Variants in PSD3 observed in about 807,000 individuals in gnomAD.
PSD3 encodes PH and SEC7 domain-containing protein 3.
A neutral mutation model predicts 105.5 loss-of-function variants in PSD3; 49 were observed. The ratio of observed to expected loss-of-function variants is 0.46; its 90% CI spans 0.37 to 0.59. The LOEUF (loss-of-function observed/expected upper bound fraction) is 0.59, where lower values mean the gene tolerates loss of function less well. Ranked by LOEUF, PSD3 falls within the 20% of genes least tolerant of loss-of-function variation. PSD3 has a pLI of 0.00. For synonymous variants in PSD3, 557 were observed against 457.8 expected (o/e 1.22, Z -2.77); for missense variants, 1,561 against 1,263.8 (o/e 1.24, Z -3.57).
chr8:19,075,645 A>C (rs762781254), intron 1 of PSD3, among the ~76,000 whole-genome samples: 3 of 152,200 alleles, frequency 2.0e-5, no homozygotes, highest in Non-Finnish European at 4.4e-5. Context: ...AAAAATGGTC[A>C]CTTTTTTCCT....
At chr8:18,741,184 G>A (rs565448563) in intron 9 of PSD3, among the ~76,000 whole-genome samples, 7 of 152,270 alleles carry the variant, frequency 4.6e-5, no homozygotes, top group South Asian at 2.1e-4. Context: ...TTACAGGTAC[G>A]AGTTACGGTC....
intron 8 of PSD3, among the ~76,000 whole-genome samples, chr8:18,786,097 G>C (rs562978545): frequency 6.6e-6 from 1 of 152,118 alleles, no homozygotes; most frequent in Admixed American, 6.5e-5. Context: ...CCAGCTGCTC[G>C]GGAGGCTGAG....
intron 14 of PSD3, among the ~76,000 whole-genome samples, chr8:18,565,253 G>C (rs557391814): frequency 1.3e-5 from 2 of 152,204 alleles, no homozygotes; most frequent in Non-Finnish European, 2.9e-5. Context: ...CAGAAAGGGA[G>C]GTTGTGAGCA....
chr8:19,053,083 T>A (rs577574281), intron 1 of PSD3, among the ~76,000 whole-genome samples: 4 of 152,246 alleles, frequency 2.6e-5, no homozygotes, highest in Non-Finnish European at 5.9e-5. Flanking sequence ...GAGGTTGTAG[T>A]CTTGGAGTGA....
At chr8:18,876,989 T>C (rs1017451941) in intron 2 of PSD3, among the ~76,000 whole-genome samples, 1 of 152,226 alleles carries the variant, frequency 6.6e-6, no homozygotes, top group Non-Finnish European at 1.5e-5. Flanking sequence ...TTTAGAGACA[T>C]GCCCATTTGA....
intron 13 of PSD3, among the ~76,000 whole-genome samples, chr8:18,573,414 G>A (rs917001088): frequency 1.3e-5 from 2 of 152,148 alleles, no homozygotes; most frequent in Non-Finnish European, 2.9e-5. Flanking sequence ...AGGTTGCAGT[G>A]AGCAGAGATC....
intron 9 of PSD3, among the ~76,000 whole-genome samples, chr8:18,701,129 CTGAT>C (rs1028562525): frequency 6.8e-5 from 7 of 102,874 alleles, no homozygotes; most frequent in African/African-American, 2.2e-4. Context: ...AGAAGCCTGG[CTGAT>C]TTTTTTTTTT....
intron 1 of PSD3, among the ~76,000 whole-genome samples, chr8:19,042,005 A>T (rs750838554): frequency 3.9e-5 from 6 of 152,190 alleles, no homozygotes; most frequent in Admixed American, 1.3e-4. Context: ...AGAGTTTTAC[A>T]TGAATTCCAC....
In PSD3 at chr8:18,637,263, A is replaced by G. The variant is rs192875081; in HGVS notation, c.2217-4457T>C. Among the ~76,000 whole-genome samples, 7 of 152,350 alleles carry G rather than the reference A, an allele frequency of 4.6e-5. No individual in the cohort carries two copies. In the East Asian group the frequency reaches 1.3e-3, roughly 29 times the overall value. On this transcript the variant is annotated intron_variant, in intron 10 of 15. Coordinates refer to ENST00000327040, the MANE Select transcript of PSD3 (RefSeq NM_015310.4). ...TCACTCTCATCACAATGGTTAGGTG[A>G]AAAACACATTCCTTCGTTATAGTCT...
chr8:18,841,370 C>A (rs1563333896), intron 4 of PSD3, among the ~76,000 whole-genome samples: 1 of 152,146 alleles, frequency 6.6e-6, no homozygotes, highest in Non-Finnish European at 1.5e-5. Context: ...CTCAGCAGCT[C>A]CCATTCAGGC....
chr8:19,049,438 T>C (rs334202), intron 1 of PSD3, among the ~76,000 whole-genome samples: 62,138 of 151,886 alleles, frequency 0.41, 12,986 homozygotes, highest in East Asian at 0.63. Context: ...ACCTGCAATC[T>C]CAGTGCTCTG....
intron 8 of PSD3, among the ~76,000 whole-genome samples, chr8:18,784,966 A>T (rs1808992935): frequency 6.6e-6 from 1 of 152,138 alleles, no homozygotes; most frequent in Non-Finnish European, 1.5e-5. Context: ...GGGGAGGCTG[A>T]AAATTCCAAC....
At chr8:18,679,479 G>A (rs1317088765) in intron 9 of PSD3, among the ~76,000 whole-genome samples, 2 of 152,156 alleles carry the variant, frequency 1.3e-5, no homozygotes, top group Admixed American at 6.5e-5. Context: ...CCTAGTACAG[G>A]AAGAGGTTTA....
chr8:18,755,035 A>G (rs1805901570), intron 9 of PSD3, among the ~76,000 whole-genome samples: 1 of 152,148 alleles, frequency 6.6e-6, no homozygotes, highest in Non-Finnish European at 1.5e-5. Context: ...AAAAGAGGAT[A>G]GCTTTTATTC....
At chr8:18,905,234 C>T (rs1375815230) in intron 2 of PSD3, among the ~76,000 whole-genome samples, 1 of 152,088 alleles carries the variant, frequency 6.6e-6, no homozygotes, top group Admixed American at 6.6e-5. Flanking sequence ...AATTATTTCC[C>T]CCTCTCTAAT....
chr8:18,927,619 G>A (rs189958498), intron 2 of PSD3, among the ~76,000 whole-genome samples: 3 of 152,204 alleles, frequency 2.0e-5, no homozygotes, highest in African/African-American at 4.8e-5. Context: ...CACTGCTGCT[G>A]TGTAGCCACT....
At chr8:18,576,083 C>T (rs1802446615) in intron 12 of PSD3, among the ~76,000 whole-genome samples, 1 of 151,346 alleles carries the variant, frequency 6.6e-6, no homozygotes, top group African/African-American at 2.5e-5. Flanking sequence ...AAGATATTGT[C>T]TGTTTTCTTA....
intron 1 of PSD3, among the ~76,000 whole-genome samples, chr8:19,040,285 C>A (rs1828077645): frequency 6.6e-6 from 1 of 152,146 alleles, no homozygotes; most frequent in Admixed American, 6.5e-5. Context: ...TCACTGCAGC[C>A]TTAACCTCTT....
intron 11 of PSD3, among the ~76,000 whole-genome samples, chr8:18,614,856 G>A (rs571412788): frequency 6.6e-6 from 1 of 150,920 alleles, no homozygotes; most frequent in Non-Finnish European, 1.5e-5. Flanking sequence ...GGCTGGTCTC[G>A]AACTGCTGGG....
Sources: gnomAD v4.1 joint callset for allele counts (sites outside exome capture counted in the v4.1 genomes callset) on GRCh38, gnomAD v4.1.1 for gene constraint, MANE v1.5 for transcripts, NCBI Gene and HGNC (gene_info 2026-07-23, HGNC 2026-07-21) for gene names.